Variants in CFTR observed in about 807,000 individuals in gnomAD.
CFTR encodes the protein CF transmembrane conductance regulator, also known as cystic fibrosis transmembrane conductance regulator.
CFTR carries 181 observed loss-of-function variants against 171.6 expected under a neutral mutation model. The ratio of observed to expected loss-of-function variants is 1.05; its 90% confidence interval spans 0.93 to 1.19. CFTR has a LOEUF of 1.19. Among genes scored for constraint, CFTR ranks in the 50% most tolerant of loss-of-function variants. The pLI, the probability that CFTR is intolerant of heterozygous loss-of-function variation, is 0.00. For missense variants in CFTR, 1,968 were observed against 1,734.7 expected, an observed-to-expected ratio of 1.13 and a Z score of -2.39; for synonymous variants, 583 against 608.0, an observed-to-expected ratio of 0.96 and a Z score of 0.60.
chr7:117,560,391 A>G (rs1372563640), intron 11 of CFTR, among the ~76,000 whole-genome samples: 4 of 152,132 alleles, frequency 2.6e-5, no homozygotes, highest in Non-Finnish European at 5.9e-5. Context: ...ATATGTTACT[A>G]TGAAGTTTAT....
chr7:117,583,642 CT>C (rs113059446), intron 11 of CFTR, among the ~76,000 whole-genome samples: 81,137 of 148,492 alleles, frequency 0.55, 24,540 homozygotes, highest in African/African-American at 0.83. Context: ...CATGAGTGTG[CT>C]TTTTTTTTTT....
chr7:117,503,752 G>C (rs1360565786), intron 1 of CFTR, among the ~76,000 whole-genome samples: 1 of 152,164 alleles, frequency 6.6e-6, no homozygotes, highest in Non-Finnish European at 1.5e-5. Flanking sequence ...CTAACTCTCT[G>C]GCTATAGTCA....
In CFTR at chr7:117,587,797, T is replaced by A; in HGVS notation, c.1643T>A (p.Leu548Gln). The A allele has an allele frequency of 1.2e-6, 2 of 1,611,328 alleles. No homozygotes were observed. The highest frequency in any genetic ancestry group is 4.5e-5 in the East Asian group (2 of 44,790). Residue 548 changes from leucine to glutamine, a missense_variant, in exon 12 of 27, where the codon CTG (leucine) becomes CAG (glutamine). Leu to Gln is a moderately radical substitution (Grantham distance 113). Transcript: ENST00000003084. The stretch of plus-strand genomic sequence containing the variant: ...GTTCTTGGAGAAGGTGGAATCACAC[T>A]GAGTGGAGGTCAACGAGCAAGAATT... ...NIVLGEGGIT[L>Q]SGGQRARISL...
At chr7:117,651,615 A>G (rs1037473919) in intron 23 of CFTR, among the ~76,000 whole-genome samples, 1 of 152,154 alleles carries the variant, frequency 6.6e-6, no homozygotes, top group Non-Finnish European at 1.5e-5. Context: ...CCTTTCAGGA[A>G]GGTGATTTTT....
intron 1 of CFTR, among the ~76,000 whole-genome samples, chr7:117,481,107 G>T (rs1411713422): frequency 6.6e-6 from 1 of 152,150 alleles, no homozygotes; most frequent in Non-Finnish European, 1.5e-5. Context: ...GTGTAGGGGG[G>T]AAGGAATTTA....
chr7:117,642,967 A>G (rs1371681525), intron 23 of CFTR, among the ~76,000 whole-genome samples: 1 of 152,178 alleles, frequency 6.6e-6, no homozygotes, highest in Non-Finnish European at 1.5e-5. Flanking sequence ...GAAATAACAA[A>G]CACTTGGAAT....
intron 11 of CFTR, among the ~76,000 whole-genome samples, chr7:117,562,513 T>C (rs1791525865): frequency 6.6e-6 from 1 of 152,194 alleles, no homozygotes; most frequent in Non-Finnish European, 1.5e-5. Context: ...GTGGGCACAT[T>C]GGCTCCATGC....
At chr7:117,624,609 G>A (rs1452260651) in intron 21 of CFTR, among the ~76,000 whole-genome samples, 1 of 152,122 alleles carries the variant, frequency 6.6e-6, no homozygotes, top group Non-Finnish European at 1.5e-5. Context: ...TCTACTTGAG[G>A]ATAGAACCAG....
chr7:117,539,456 C>T (rs1250105661), intron 7 of CFTR, among the ~76,000 whole-genome samples: 1 of 151,244 alleles, frequency 6.6e-6, no homozygotes, highest in East Asian at 1.9e-4. Flanking sequence ...ATCCTGGAAA[C>T]CTACTGAGAC....
At chr7:117,552,207 T>C (rs1799283772) in intron 10 of CFTR, among the ~76,000 whole-genome samples, 1 of 152,088 alleles carries the variant, frequency 6.6e-6, no homozygotes, top group African/African-American at 2.4e-5. Flanking sequence ...TAGCTCACTG[T>C]AACCTTGAAC....
chr7:117,501,631 C>T (rs1798327697), intron 1 of CFTR, among the ~76,000 whole-genome samples: 1 of 150,682 alleles, frequency 6.6e-6, no homozygotes, highest in Non-Finnish European at 1.5e-5. Context: ...CCTGTAATCC[C>T]AGCTACTCAG....
chr7:117,522,747 G>A (rs1324769657), intron 3 of CFTR, among the ~76,000 whole-genome samples: 1 of 152,092 alleles, frequency 6.6e-6, no homozygotes, highest in Non-Finnish European at 1.5e-5. Flanking sequence ...TAGGGACTAT[G>A]TTTCTCCCAG....
At chr7:117,522,102 A>C (rs1282554893) in intron 3 of CFTR, among the ~76,000 whole-genome samples, 2 of 152,178 alleles carry the variant, frequency 1.3e-5, no homozygotes, top group Admixed American at 1.3e-4. Flanking sequence ...GAGTCACAAA[A>C]TTGTTCCCAC....
At chr7:117,540,421 C>T in intron 8 of CFTR, 75 bp downstream of exon 8, 1 of 1,384,452 alleles carries the variant, frequency 7.2e-7, no homozygotes, top group Non-Finnish European at 9.9e-7. Flanking sequence ...ATGAACTTTG[C>T]AAAAATGTGC....
chr7:117,592,719 T>C lies in CFTR; in HGVS notation c.2490+62T>C. The C allele has an allele frequency of 2.2e-6, 3 of 1,367,710 alleles. 1 individual carries two copies. The South Asian group carries it at 6.3e-5, about 29-fold the overall frequency. The allele number at this position is 1,367,710 out of a possible 1,614,324, so 84.7% of individuals were successfully genotyped here. On this transcript the variant is annotated intron_variant, in intron 14 of 26. Coordinates refer to ENST00000003084, the MANE Select transcript of CFTR (RefSeq NM_000492.4). ...GAATGCAATTGAGTAGAATGCAATATGTAGCATGTAACAAAATTTACTAAA... is the reference window on the plus strand; with the variant it reads ...GAATGCAATTGAGTAGAATGCAATACGTAGCATGTAACAAAATTTACTAAA...
chr7:117,608,207 AT>A (rs11343448), intron 18 of CFTR, among the ~76,000 whole-genome samples: 22,464 of 148,908 alleles, frequency 0.15, 2,073 homozygotes, highest in East Asian at 0.32. Context: ...TTTCTGCTCA[AT>A]TTTTTTTTTT....
intron 3 of CFTR, among the ~76,000 whole-genome samples, chr7:117,518,672 C>A (rs1049193843): frequency 6.6e-6 from 1 of 151,022 alleles, no homozygotes; most frequent in African/African-American, 2.4e-5. Flanking sequence ...CTCAAGTGAT[C>A]CTACTGCTTT....
At chr7:117,504,111 A>G (rs573905696) in intron 1 of CFTR, 142 bp from the exon 2 acceptor site, 2 of 688,844 alleles carry the variant, frequency 2.9e-6, no homozygotes, top group African/African-American at 3.5e-5. Flanking sequence ...GAAGCCTGGT[A>G]TTTATAGAAA....
chr7:117,509,474 G>A (rs945564545), intron 3 of CFTR, among the ~76,000 whole-genome samples: 15 of 152,116 alleles, frequency 9.9e-5, no homozygotes, highest in African/African-American at 3.6e-4. Context: ...TATTCAACAG[G>A]AGAGTGTCAG....
Sources: allele counts gnomAD v4.1 joint callset (sites outside exome capture counted in the v4.1 genomes callset), GRCh38; gene constraint gnomAD v4.1.1; transcripts MANE v1.5; gene names NCBI Gene and HGNC (gene_info 2026-07-23, HGNC 2026-07-21).